VWF: variants seen among roughly 807,000 people sequenced by gnomAD.
The protein encoded by VWF is von Willebrand factor.
VWF carries 176 observed loss-of-function variants against 308.6 expected under a neutral mutation model. The ratio of observed to expected loss-of-function variants is 0.57; its 90% CI spans 0.50 to 0.65. The LOEUF (loss-of-function observed/expected upper bound fraction) is 0.65, where lower values mean the gene tolerates loss of function less well. Among genes scored for constraint, VWF ranks in the 30% least tolerant of loss-of-function variants. VWF has a pLI of 0.00. For missense variants in VWF, 3,146 were observed against 3,648.2 expected (o/e 0.86, Z 3.55); for synonymous variants, 1,385 against 1,443.4 (o/e 0.96, Z 0.92).
rs373158962 is a variant in VWF at position 5,969,267 on chromosome 12, G to A, written c.7673C>T (p.Pro2558Leu). Reference sequence around the variant, plus strand: ...CTTACAGCTCAGCTGAAAGCCCGAGGGGCAGACAGGGACCTCCAGCTGGGG... The same window carrying A: ...CTTACAGCTCAGCTGAAAGCCCGAGAGGCAGACAGGGACCTCCAGCTGGGG... ...SCPQLEVPVC[P>L]SGFQLSCKTS... Residue 2558 changes from proline to leucine, a missense_variant, in exon 45 of 52, where the codon CCC (proline) becomes CTC (leucine). By Grantham distance (98) the Pro-to-Leu change is moderately conservative (BLOSUM62 -3). Around this residue, in one of 3 missense-constraint regions of VWF, gnomAD observed 989 missense variants for 1,117.4 expected, o/e 0.89. Transcript: ENST00000261405. 6 of 1,614,082 alleles carry A rather than the reference G, an allele frequency of 3.7e-6. No homozygotes were observed. In the African/African-American group the frequency reaches 4.0e-5, roughly 11 times the overall value.
At chr12:6,029,169 C>A (rs1020348130) in intron 22 of VWF, among the ~76,000 whole-genome samples, 173 bp downstream of exon 22, 14 of 151,682 alleles carry the variant, frequency 9.2e-5, no homozygotes, top group African/African-American at 3.4e-4. Flanking sequence ...AAGGCCATTA[C>A]ATAATGGTAA....
At chr12:6,056,169 C>A (rs1055389785) in intron 15 of VWF, among the ~76,000 whole-genome samples, 3 of 146,058 alleles carry the variant, frequency 2.1e-5, no homozygotes, top group Non-Finnish European at 4.5e-5. Context: ...TCTAGTAGGG[C>A]GGCCATTTCC....
chr12:5,964,825 A>ATGCGAGCAGTT (rs1943381020), intron 47 of VWF, among the ~76,000 whole-genome samples: 1 of 152,212 alleles, frequency 6.6e-6, no homozygotes, highest in African/African-American at 2.4e-5. Flanking sequence ...GAGGGCAGTT[A>ATGCGAGCAGTT]TGCGAGAAGA....
rs754338253 is a variant in VWF, at chr12:6,024,743, G to A, written c.3222+837C>T. On this transcript the variant is annotated intron_variant, in intron 24 of 51. Transcript: ENST00000261405. This position sits in a 1 kb window ranked among gnomAD's most constrained non-coding sequence, Gnocchi z 4.0. ...GCAGATAAGAGACAACTGCACTATG[G>A]TCGGGCATGGTGGCTCACACCTGTA... Among the ~76,000 whole-genome samples the A allele has an allele frequency of 2.6e-5, 4 of 152,204 alleles. No homozygotes were observed.
At chr12:6,048,715 G>T (rs918576841) in intron 16 of VWF, among the ~76,000 whole-genome samples, 3 of 142,714 alleles carry the variant, frequency 2.1e-5, no homozygotes, top group African/African-American at 7.8e-5. Flanking sequence ...CGCCCACCTC[G>T]GCCTCCCAAA....
intron 47 of VWF, among the ~76,000 whole-genome samples, chr12:5,956,808 T>G (rs552301841): frequency 6.6e-6 from 1 of 152,334 alleles, no homozygotes; most frequent in East Asian, 1.9e-4. Flanking sequence ...TTTAAAACTT[T>G]ATAAGTAAAA....
intron 20 of VWF, among the ~76,000 whole-genome samples, chr12:6,032,334 AAAAAG>A (rs1237715919): frequency 6.6e-6 from 1 of 151,054 alleles, no homozygotes; most frequent in Non-Finnish European, 1.5e-5. Flanking sequence ...CTCAAAAAAA[AAAAAG>A]AAAAGAAAAG....
At chr12:6,053,655 C>T (rs1176863351) in intron 15 of VWF, among the ~76,000 whole-genome samples, 1 of 152,182 alleles carries the variant, frequency 6.6e-6, no homozygotes, top group African/African-American at 2.4e-5. Flanking sequence ...CCTGGGTTCA[C>T]GCCCAGGTCC....
In VWF at chr12:5,981,931, G is replaced by A. The variant is rs1943610754; in HGVS notation, c.7142C>T (p.Pro2381Leu). The change falls in exon 42 of 52, where the codon CCC becomes CTC. Residue 2381 changes from proline (P) to leucine (L), a missense_variant. Pro to Leu is a moderately conservative substitution (Grantham distance 98, BLOSUM62 -3). Transcript: ENST00000261405. ...ACAGCACTGGGTCTTCCGAAGGGTG[G>A]GCAAACGGTGCGGGGGGCAGGAGGG... ...SPPSCPPHRL[P>L]TLRKTQCCDE... 6.2e-7 allele frequency: 1 copy of A among 1,613,772 alleles called. No individual in the cohort carries two copies. The highest frequency in any genetic ancestry group is 2.2e-5 in the East Asian group (1 of 44,840).
chr12:6,072,929 C>T (rs1019357505), intron 8 of VWF, among the ~76,000 whole-genome samples: 2 of 150,540 alleles, frequency 1.3e-5, no homozygotes, highest in South Asian at 2.1e-4. Flanking sequence ...TGCAGTGGTG[C>T]GATCTCGGTT....
chr12:6,106,875 C>CAAAAAAAAAAAAAAAAAAAAAAAAAAAA (rs201177758), intron 5 of VWF, among the ~76,000 whole-genome samples: 1 of 34,812 alleles, frequency 2.9e-5, no homozygotes, highest in African/African-American at 9.9e-5. Flanking sequence ...AACTCCGACT[C>CAAAAAAAAAAAAAAAAAAAAAAAAAAAA]AAAAAAAAAA....
At chr12:6,057,181 C>T (rs948170434) in intron 14 of VWF, 109 bp from the exon 15 acceptor site, 4 of 1,010,120 alleles carry the variant, frequency 4.0e-6, no homozygotes, top group African/African-American at 1.7e-5. Context: ...TAGAGGGCTG[C>T]AAGGTCACGC....
Position 6,058,026 on chromosome 12 carries a change from C to T in VWF, c.1552G>A (p.Gly518Arg), listed in dbSNP as rs767005834. Residue 518 changes from glycine to arginine, a missense_variant, in exon 14 of 52, where the codon GGG becomes AGG. Gly to Arg is a moderately radical substitution (Grantham distance 125, BLOSUM62 -2). Coordinates refer to ENST00000261405, the MANE Select transcript of VWF (RefSeq NM_000552.5). The surrounding 1 kb of genome is among the most constrained non-coding windows in gnomAD (Gnocchi z 4.9). ...TTCCCACACAGGCCGCAGGTCTTCC[C>T]GGCATAGACGGGGGACAGCTGCAGG... is the stretch of plus-strand genomic sequence containing the variant. The part of the protein sequence containing the change: ...LLVKLSPVYA[G>R]KTCGLCGNYN... The T allele has an allele frequency of 5.0e-6, 8 of 1,613,182 alleles. No individual in the cohort carries two copies. The highest frequency in any genetic ancestry group is 5.9e-6 in the Non-Finnish European group (7 of 1,180,024).
Position 6,044,272 on chromosome 12 carries a change from T to G in VWF, c.2442+19A>C. ...AGAAAACTGAAGGGCAGGCACCAGC[T>G]CTGTGCCTGGTGACTCACCATGCCC... On this transcript the variant is annotated intron_variant, in intron 18 of 51. Coordinates refer to ENST00000261405, the MANE Select transcript of VWF (RefSeq NM_000552.5). 1 of 1,613,734 alleles carries G rather than the reference T, an allele frequency of 6.2e-7. No individual in the cohort carries two copies. The highest frequency in any genetic ancestry group is 2.2e-5 in the East Asian group (1 of 44,880).
chr12:5,979,705 G>C (rs557183957), intron 42 of VWF, among the ~76,000 whole-genome samples: 1 of 150,106 alleles, frequency 6.7e-6, no homozygotes, highest in Admixed American at 6.7e-5. Flanking sequence ...AGCCAAGATC[G>C]TGCCACTGCA....
chr12:6,087,483 C>G (rs111697130), intron 6 of VWF, among the ~76,000 whole-genome samples: 3,353 of 147,938 alleles, frequency 0.023, 154 homozygotes, highest in African/African-American at 0.078. Context: ...TTCAGCCTCC[C>G]GAGTAGCTGG....
chr12:6,038,726 G>A (rs1364118689), intron 18 of VWF, among the ~76,000 whole-genome samples: 2 of 152,214 alleles, frequency 1.3e-5, no homozygotes, highest in African/African-American at 4.8e-5. Context: ...TTAATTCATG[G>A]ACAGCAATAT....
intron 3 of VWF, among the ~76,000 whole-genome samples, chr12:6,118,379 T>A (rs1219267233): frequency 4.0e-5 from 4 of 101,202 alleles, no homozygotes; most frequent in Non-Finnish European, 5.6e-5. Context: ...CTGGTCACTT[T>A]TTTTTTTTTT....
At position 6,058,358 on chromosome 12, in the gene VWF, G is replaced by C. The variant is rs1944615722; in HGVS notation, c.1534-314C>G. Among the ~76,000 whole-genome samples the C allele has an allele frequency of 6.6e-6, 1 of 152,174 alleles. No individual in the cohort carries two copies. On this transcript the variant is annotated intron_variant, in intron 13 of 51. Transcript: ENST00000261405. This position sits in a 1 kb window ranked among gnomAD's most constrained non-coding sequence, Gnocchi z 4.9. ...AAAGAGGCAAAGTGACTTGCCTAAG[G>C]TCAGGGAGGTAGTGGCGGAGCTAGG... is the stretch of plus-strand genomic sequence containing the variant.
Sources: allele counts gnomAD v4.1 joint callset (sites outside exome capture counted in the v4.1 genomes callset), GRCh38; gene constraint gnomAD v4.1.1; regional missense constraint gnomAD v4.1.1; non-coding constraint Gnocchi (gnomAD v3.1); transcripts MANE v1.5; gene names NCBI Gene and HGNC (gene_info 2026-07-23, HGNC 2026-07-21).